The following SKP1 variants were observed in gnomAD, a reference collection of about 807,000 sequenced individuals.
SKP1 encodes S-phase kinase-associated protein 1.
In SKP1, 1 loss-of-function variant was observed where a neutral mutation model predicts 21.5. The ratio of observed to expected loss-of-function variants is 0.05; its 90% CI spans 0.02 to 0.22. The LOEUF (loss-of-function observed/expected upper bound fraction) is 0.22, where lower values mean the gene tolerates loss of function less well. Among genes scored for constraint, SKP1 ranks in the 10% least tolerant of loss-of-function variants. SKP1 has a pLI of 1.00. For synonymous variants in SKP1, 59 were observed against 59.3 expected (o/e 0.99, Z 0.03); for missense variants, 70 against 192.0 (o/e 0.36, Z 3.76).
intron 2 of SKP1, among the ~76,000 whole-genome samples, chr5:134,173,058 C>G (rs185468350): frequency 6.7e-6 from 1 of 149,176 alleles, no homozygotes; most frequent in Admixed American, 6.7e-5. Flanking sequence ...TGGGGCAGGG[C>G]GCGGTGGCTC....
chr5:134,151,419 TG>T lies in SKP1; in HGVS notation c.*6313del, dbSNP rs1044668446. ...TTCCCACCCCTTTCCGTAAGCTTCCTGGAACAGAAAAATCTGCAAAGCAACT... is the reference window on the plus strand; with the variant it reads ...TTCCCACCCCTTTCCGTAAGCTTCCTGAACAGAAAAATCTGCAAAGCAACT... On this transcript the variant is annotated 3_prime_UTR_variant, in exon 6 of 6. Coordinates refer to ENST00000353411, the MANE Select transcript of SKP1 (RefSeq NM_170679.3). The T allele has an allele frequency of 1.2e-5, 3 of 244,460 alleles. No homozygotes were observed. The highest frequency in any genetic ancestry group is 6.7e-5 in the African/African-American group (3 of 44,962). 15.1% of individuals were successfully genotyped at this position (244,460 alleles called of 1,614,324 possible).
chr5:134,169,639 C>G (rs535640073), intron 2 of SKP1, among the ~76,000 whole-genome samples: 1 of 152,200 alleles, frequency 6.6e-6, no homozygotes, highest in Non-Finnish European at 1.5e-5. Flanking sequence ...CCGAGGCAGG[C>G]AGATCACCTG....
chr5:134,176,022 A>T (rs1336068269), intron 1 of SKP1, among the ~76,000 whole-genome samples: 2 of 152,206 alleles, frequency 1.3e-5, no homozygotes, highest in Non-Finnish European at 2.9e-5. Flanking sequence ...GTTCTATGAA[A>T]CGGATACATT....
At chr5:134,165,548 C>G (rs1317947549) in intron 3 of SKP1, among the ~76,000 whole-genome samples, 1 of 148,006 alleles carries the variant, frequency 6.8e-6, no homozygotes, top group Non-Finnish European at 1.5e-5. Context: ...TGAGATCGTG[C>G]CACTGCACTC....
rs1310297364 is a variant in SKP1, at chr5:134,153,737, G to A, written c.*3996C>T. 6.6e-6 allele frequency: 1 copy of A among 152,118 alleles called. No homozygotes were observed. Among genetic ancestry groups the A allele is most frequent in the Non-Finnish European group, 1.5e-5 (1 of 68,042 alleles). The allele number at this position is 152,118 out of a possible 1,614,324, so 9.4% of individuals were successfully genotyped here. The stretch of plus-strand genomic sequence containing the variant: ...ATTAACTTAAACAAAATTTATGTTG[G>A]GATCAGAACACAGCCCATAGGATTG... On this transcript the variant is annotated 3_prime_UTR_variant, in exon 6 of 6. Coordinates refer to ENST00000353411, the MANE Select transcript of SKP1 (RefSeq NM_170679.3).
chr5:134,168,143 T>G (rs1026498991), intron 2 of SKP1, among the ~76,000 whole-genome samples: 7 of 152,234 alleles, frequency 4.6e-5, no homozygotes. Context: ...AAATAAGTTC[T>G]TAATTGGTAG....
intron 2 of SKP1, among the ~76,000 whole-genome samples, chr5:134,173,080 C>A (rs1246318542): frequency 6.6e-6 from 1 of 151,288 alleles, no homozygotes; most frequent in Non-Finnish European, 1.5e-5. Context: ...CACCTGTGAT[C>A]CCAGCACTTT....
rs1218107680 is a variant in SKP1, at chr5:134,149,575, G to A, written c.*8158C>T. On this transcript the variant is annotated 3_prime_UTR_variant, in exon 6 of 6. Coordinates refer to ENST00000353411, the MANE Select transcript of SKP1 (RefSeq NM_170679.3). ...CCAGAACAGCGTCTATTTAAAGTAG[G>A]CCACTGGAAGTTGTAACCCCAGACT... 2 of 152,206 alleles carry A rather than the reference G, an allele frequency of 1.3e-5. No homozygotes were observed. The highest frequency in any genetic ancestry group is 4.8e-5 in the African/African-American group (2 of 41,438). The allele number at this position is 152,206 out of a possible 1,614,324, so 9.4% of individuals were successfully genotyped here.
At chr5:134,158,022 G>C in intron 5 of SKP1, 1 of 1,486,554 alleles carries the variant, frequency 6.7e-7, no homozygotes, top group African/African-American at 1.4e-5. Context: ...AGCAAATTCA[G>C]TTAATTCATT....
rs533254930 is a variant in SKP1, at chr5:134,150,037, C to T, written c.*7696G>A. The stretch of plus-strand genomic sequence containing the variant: ...TCCTGAGACATCATAAGACAAGATA[C>T]CTTAGCCTCCCTTGAACATTTCCAG... On this transcript the variant is annotated 3_prime_UTR_variant, in exon 6 of 6. Coordinates refer to ENST00000353411, the MANE Select transcript of SKP1 (RefSeq NM_170679.3). 6.6e-6 allele frequency: 1 copy of T among 152,236 alleles called. No individual in the cohort carries two copies. Among genetic ancestry groups the T allele is most frequent in the South Asian group, 2.1e-4 (1 of 4,818 alleles). The allele number at this position is 152,236 out of a possible 1,614,324, so 9.4% of individuals were successfully genotyped here.
At position 134,151,621 on chromosome 5, in the gene SKP1, T is replaced by TA. The variant is rs1761044505; in HGVS notation, c.*6111dup. ...AGGTTGAAAATTTGAAGTTAAGAGA[T>TA]ATCAGAAGGTCTGAATATACTTAAA... On this transcript the variant is annotated 3_prime_UTR_variant, in exon 6 of 6. Coordinates refer to ENST00000353411, the MANE Select transcript of SKP1 (RefSeq NM_170679.3). 2.2e-6 allele frequency: 1 copy of TA among 454,458 alleles called. No homozygotes were observed. Among genetic ancestry groups the TA allele is most frequent in the Non-Finnish European group, 4.4e-6 (1 of 225,988 alleles). 28.2% of individuals were successfully genotyped at this position (454,458 alleles called of 1,614,324 possible). A position where few individuals can be genotyped will look rare whatever the true frequency, so the allele number is the denominator to read the frequency against.
At chr5:134,172,904 C>T (rs990573474) in intron 2 of SKP1, among the ~76,000 whole-genome samples, 5 of 150,882 alleles carry the variant, frequency 3.3e-5, no homozygotes, top group South Asian at 2.1e-4. Flanking sequence ...CCCAGCTACT[C>T]GGGAGGCTAA....
chr5:134,159,104 G>A (rs1051096475), intron 4 of SKP1, among the ~76,000 whole-genome samples: 10 of 152,120 alleles, frequency 6.6e-5, no homozygotes, highest in Non-Finnish European at 1.5e-4. Context: ...TGGAAGCTTA[G>A]ATCACCGATT....
intron 3 of SKP1, among the ~76,000 whole-genome samples, chr5:134,165,857 G>C (rs1761320646): frequency 6.6e-6 from 1 of 151,752 alleles, no homozygotes; most frequent in Admixed American, 6.6e-5. Flanking sequence ...CTGCTCTCCA[G>C]CCTGGGCAAC....
At position 134,167,262 on chromosome 5, in the gene SKP1, AG is replaced by A. The variant is rs1438834747; in HGVS notation, c.98-20del. 6.6e-7 allele frequency: 1 copy of A among 1,513,670 alleles called. No homozygotes were observed. Among genetic ancestry groups the A allele is most frequent in the South Asian group, 1.1e-5 (1 of 88,556 alleles). 93.8% of individuals were successfully genotyped at this position (1,513,670 alleles called of 1,614,324 possible). A position where few individuals can be genotyped will look rare whatever the true frequency, so the allele number is the denominator to read the frequency against. On this transcript the variant is annotated intron_variant, in intron 2 of 5. Transcript: ENST00000353411. Reference sequence around the variant, plus strand: ...CCCAAATCTAAGAAAACCAGAAGAAAGTTTCTATTTCCTAATTCCATTATAA... The same window carrying A: ...CCCAAATCTAAGAAAACCAGAAGAAATTTCTATTTCCTAATTCCATTATAA...
intron 4 of SKP1, among the ~76,000 whole-genome samples, chr5:134,158,865 G>A (rs1761167050): frequency 6.6e-6 from 1 of 152,134 alleles, no homozygotes; most frequent in Admixed American, 6.5e-5. Flanking sequence ...GTGTATGTGT[G>A]TACACATGCA....
At chr5:134,165,585 C>A (rs1199503664) in intron 3 of SKP1, among the ~76,000 whole-genome samples, 7 of 97,648 alleles carry the variant, frequency 7.2e-5, no homozygotes, top group South Asian at 3.6e-4. Context: ...GTGTCTGTCT[C>A]AAAAAAAAAA....
At chr5:134,171,065 A>G (rs1263689678) in intron 2 of SKP1, 1 of 455,456 alleles carries the variant, frequency 2.2e-6, no homozygotes, top group African/African-American at 2.0e-5. Context: ...GGAGTTTACA[A>G]CTTAATAGAA....
intron 2 of SKP1, chr5:134,173,472 G>A: frequency 3.1e-6 from 1 of 325,144 alleles, no homozygotes; most frequent in Non-Finnish European, 6.0e-6. Flanking sequence ...GCCTGGACAA[G>A]AGTGAGACTC....
Sources: gnomAD v4.1 joint callset for allele counts (sites outside exome capture counted in the v4.1 genomes callset) on GRCh38, gnomAD v4.1.1 for gene constraint, MANE v1.5 for transcripts, NCBI Gene and HGNC (gene_info 2026-07-23, HGNC 2026-07-21) for gene names.